Variants in VPS13B observed in about 807,000 individuals in gnomAD.
VPS13B encodes the protein intermembrane lipid transfer protein VPS13B.
In VPS13B, 285 loss-of-function variants were observed where a neutral mutation model predicts 426.4. That is an observed-to-expected ratio of 0.67 (90% CI 0.61 to 0.74). VPS13B has a LOEUF of 0.74. VPS13B is among the 30% of genes least tolerant of loss of function. The probability of loss-of-function intolerance (pLI) is 0.00; values close to 1 mark genes in which losing one functional copy is unlikely to be tolerated. For missense variants in VPS13B, 4,537 were observed against 4,782.6 expected (o/e 0.95, Z 1.51); for synonymous variants, 1,676 against 1,676.4 (o/e 1.00, Z 0.01).
chr8:99,050,096 C>T lies in VPS13B; in HGVS notation c.291+11530C>T, dbSNP rs999056573. Among the ~76,000 whole-genome samples the T allele has an allele frequency of 1.6e-4, 25 of 151,796 alleles. No individual in the cohort carries two copies. In the East Asian group the frequency reaches 3.1e-3, roughly 19 times the overall value. ...ACGTGCACAACGTGCAGGTTAGTTACGTATGTATACACGGGCCATGTTGGT... is the reference window on the plus strand; with the variant it reads ...ACGTGCACAACGTGCAGGTTAGTTATGTATGTATACACGGGCCATGTTGGT... On this transcript the variant is annotated intron_variant, in intron 3 of 61. Transcript: ENST00000357162.
rs141920333 is a variant in VPS13B, at chr8:99,417,774, C to A, written c.3083-13763C>A. Among the ~76,000 whole-genome samples, 553 of 152,136 alleles carry A rather than the reference C, an allele frequency of 3.6e-3. 2 individuals are homozygous for A. The highest frequency in any genetic ancestry group is 0.013 in the African/African-American group (525 of 41,506). On this transcript the variant is annotated intron_variant, in intron 21 of 61. Transcript: ENST00000357162. ...CTACTTCTTTTCTCCTCTTTATTCC[C>A]CTTACCTTACTTTGTTTCTTGTTTT... is the stretch of plus-strand genomic sequence containing the variant.
At chr8:99,363,710 T>C (rs2133243101) in intron 19 of VPS13B, among the ~76,000 whole-genome samples, 1 of 152,274 alleles carries the variant, frequency 6.6e-6, no homozygotes, top group South Asian at 2.1e-4. Context: ...TTATTTCTAG[T>C]TATTTTATTT....
At chr8:99,305,479 T>G (rs1820588142) in intron 19 of VPS13B, among the ~76,000 whole-genome samples, 1 of 152,032 alleles carries the variant, frequency 6.6e-6, no homozygotes, top group Non-Finnish European at 1.5e-5. Flanking sequence ...TATCAGCAGA[T>G]TTTGATATCC....
At chr8:99,524,358 A>G (rs890825991) in intron 30 of VPS13B, among the ~76,000 whole-genome samples, 3 of 152,216 alleles carry the variant, frequency 2.0e-5, no homozygotes, top group African/African-American at 4.8e-5. Context: ...ACCTAGAGAA[A>G]GATATCAATT....
At chr8:99,126,913 G>T (rs1052122131) in intron 8 of VPS13B, among the ~76,000 whole-genome samples, 1 of 152,068 alleles carries the variant, frequency 6.6e-6, no homozygotes, top group African/African-American at 2.4e-5. Context: ...TGCAAATATG[G>T]TGAAACTCTG....
intron 17 of VPS13B, among the ~76,000 whole-genome samples, chr8:99,239,159 T>C (rs1816787176): frequency 6.6e-6 from 1 of 152,204 alleles, no homozygotes; most frequent in African/African-American, 2.4e-5. Context: ...TCAGCAATTA[T>C]GTAATTCAGA....
chr8:99,606,034 T>C (rs1311859453), intron 33 of VPS13B, among the ~76,000 whole-genome samples: 1 of 152,084 alleles, frequency 6.6e-6, no homozygotes, highest in East Asian at 1.9e-4. Flanking sequence ...CAGCTGGGAC[T>C]ACAGGCGCAT....
intron 3 of VPS13B, among the ~76,000 whole-genome samples, chr8:99,057,860 C>G (rs942641652): frequency 2.0e-5 from 3 of 152,152 alleles, no homozygotes; most frequent in Non-Finnish European, 4.4e-5. Context: ...GCTTTCCTAT[C>G]TCTTGAGTGT....
At chr8:99,646,450 G>C (rs963499906) in intron 34 of VPS13B, among the ~76,000 whole-genome samples, 1 of 152,110 alleles carries the variant, frequency 6.6e-6, no homozygotes, top group African/African-American at 2.4e-5. Flanking sequence ...ACCTGAGCCT[G>C]GGAAGTCAAG....
chr8:99,465,731 T>A (rs549507023), intron 23 of VPS13B, among the ~76,000 whole-genome samples: 2 of 152,262 alleles, frequency 1.3e-5, no homozygotes, highest in Admixed American at 6.5e-5. Context: ...GGTTTTAAAA[T>A]AATTTTAGAA....
intron 19 of VPS13B, among the ~76,000 whole-genome samples, chr8:99,372,762 C>G (rs1268333918): frequency 6.6e-6 from 1 of 152,208 alleles, no homozygotes; most frequent in Non-Finnish European, 1.5e-5. Flanking sequence ...GTGGCAATTC[C>G]TCAAGGATCT....
intron 33 of VPS13B, among the ~76,000 whole-genome samples, chr8:99,587,077 G>A (rs915065562): frequency 1.2e-4 from 18 of 152,072 alleles, no homozygotes; most frequent in African/African-American, 3.9e-4. Flanking sequence ...GCAGTGTTTG[G>A]TTTTCTGTCC....
At chr8:99,465,336 A>G (rs1819057568) in intron 23 of VPS13B, among the ~76,000 whole-genome samples, 1 of 151,478 alleles carries the variant, frequency 6.6e-6, no homozygotes, top group Admixed American at 6.6e-5. Context: ...TTCATCTTCT[A>G]GGTATAGTGT....
rs189111265 is a variant in VPS13B at position 99,164,045 on chromosome 8, C to T, written c.2209-5994C>T. 2.4e-3 allele frequency among the ~76,000 whole-genome samples: 371 copies of T among 152,202 alleles called. 3 individuals are homozygous for T. Among genetic ancestry groups the T allele is most frequent in the Admixed American group, 9.6e-3 (147 of 15,282 alleles). On this transcript the variant is annotated intron_variant, in intron 15 of 61. Transcript: ENST00000357162. ...CTAGCTACTTCCTGCTGGATAGGGGCGAAGAAGGGGCCCTGCAGTTGTGGT... is the reference window on the plus strand; with the variant it reads ...CTAGCTACTTCCTGCTGGATAGGGGTGAAGAAGGGGCCCTGCAGTTGTGGT...
intron 3 of VPS13B, among the ~76,000 whole-genome samples, chr8:99,085,758 A>G (rs1288263110): frequency 6.6e-6 from 1 of 152,124 alleles, no homozygotes. Context: ...TATTTTCTTT[A>G]AGAACGTTGA....
At chr8:99,781,571 T>A (rs977348557) in intron 42 of VPS13B, among the ~76,000 whole-genome samples, 5 of 152,176 alleles carry the variant, frequency 3.3e-5, no homozygotes, top group African/African-American at 1.2e-4. Context: ...TATAATGAAC[T>A]CCACAGATGA....
intron 19 of VPS13B, among the ~76,000 whole-genome samples, chr8:99,375,103 G>A (rs764605934): frequency 3.9e-5 from 6 of 152,076 alleles, no homozygotes; most frequent in Admixed American, 3.3e-4. Flanking sequence ...ACAATTGATC[G>A]ACACCTGTGG....
chr8:99,466,281 G>A (rs1170559908), intron 23 of VPS13B, among the ~76,000 whole-genome samples: 1 of 152,042 alleles, frequency 6.6e-6, no homozygotes, highest in Non-Finnish European at 1.5e-5. Flanking sequence ...TTCTTTATAT[G>A]TTTCCCAATT....
chr8:99,693,099 C>T (rs1207254544), intron 35 of VPS13B, among the ~76,000 whole-genome samples: 7 of 142,698 alleles, frequency 4.9e-5, no homozygotes, highest in East Asian at 2.2e-4. Flanking sequence ...GATTCACAGC[C>T]GAATTCTACC....
Sources: gnomAD v4.1 joint callset for allele counts (sites outside exome capture counted in the v4.1 genomes callset) on GRCh38, gnomAD v4.1.1 for gene constraint, MANE v1.5 for transcripts, NCBI Gene and HGNC (gene_info 2026-07-23, HGNC 2026-07-21) for gene names.